Variants in DNAH11 observed in about 807,000 individuals in gnomAD.
DNAH11 encodes the protein axonemal beta dynein heavy chain 11.
Under a neutral mutation model 526.0 loss-of-function variants are expected in DNAH11, and 442 were observed. The observed-to-expected ratio is 0.84, with a 90% CI of 0.78 to 0.91. DNAH11 has a LOEUF of 0.91. Ranked by LOEUF, DNAH11 falls within the 40% of genes least tolerant of loss-of-function variation. The pLI, the probability that DNAH11 is intolerant of heterozygous loss-of-function variation, is 0.00. For synonymous variants in DNAH11, 2,461 were observed against 1,935.9 expected (o/e 1.27, Z -7.12); for missense variants, 6,989 against 5,448.7 (o/e 1.28, Z -8.90).
At chr7:21,859,949 C>T (rs10275701) in intron 68 of DNAH11, among the ~76,000 whole-genome samples, 11 of 151,898 alleles carry the variant, frequency 7.2e-5, no homozygotes, top group Non-Finnish European at 1.5e-4. Flanking sequence ...GGACATTTCT[C>T]CAAAGATGTT....
chr7:21,702,510 A>G (rs553245776), intron 36 of DNAH11, among the ~76,000 whole-genome samples, 200 bp from the exon 37 acceptor site: 2 of 152,180 alleles, frequency 1.3e-5, no homozygotes, highest in South Asian at 2.1e-4. Flanking sequence ...AGAGGCAAAA[A>G]AAAAAAGGTG....
intron 32 of DNAH11, among the ~76,000 whole-genome samples, chr7:21,684,878 A>G (rs1354140203): frequency 1.3e-5 from 2 of 152,234 alleles, no homozygotes; most frequent in Non-Finnish European, 2.9e-5. Flanking sequence ...GAGACAGCAC[A>G]TTTAATCTTT....
chr7:21,617,198 C>T (rs912600353), intron 22 of DNAH11, among the ~76,000 whole-genome samples: 1 of 152,178 alleles, frequency 6.6e-6, no homozygotes, highest in Non-Finnish European at 1.5e-5. Flanking sequence ...TTTCAAGAAA[C>T]AGGCACTCAA....
chr7:21,792,871 CATTT>C (rs1236078270), intron 61 of DNAH11, among the ~76,000 whole-genome samples: 1 of 151,786 alleles, frequency 6.6e-6, no homozygotes, highest in Non-Finnish European at 1.5e-5. Flanking sequence ...TAGTCTCAGT[CATTT>C]ATTTATGCTC....
Position 21,900,128 on chromosome 7 carries a change from AC to A in DNAH11, c.13303+12del, listed in dbSNP as rs773887617. The A allele has an allele frequency of 6.2e-7, 1 of 1,605,504 alleles. No homozygotes were observed. Among genetic ancestry groups the A allele is most frequent in the Admixed American group, 1.7e-5 (1 of 58,964 alleles). On this transcript the variant is annotated intron_variant, in intron 81 of 81. Coordinates refer to ENST00000409508, the MANE Select transcript of DNAH11 (RefSeq NM_001277115.2). ...ACGGACTCTTCATGGAGGGTAAGACACCCCAAGGGGTAAGTGGGGAACCTTT... is the reference window on the plus strand; with the variant it reads ...ACGGACTCTTCATGGAGGGTAAGACACCCAAGGGGTAAGTGGGGAACCTTT...
intron 65 of DNAH11, among the ~76,000 whole-genome samples, chr7:21,830,007 G>A (rs1464347565): frequency 1.3e-5 from 2 of 152,180 alleles, no homozygotes; most frequent in African/African-American, 4.8e-5. Flanking sequence ...GAAGTTAGAC[G>A]TCTTTTTGCC....
intron 15 of DNAH11, 127 bp from the exon 16 acceptor site, chr7:21,600,549 G>A (rs1785039876): frequency 1.8e-6 from 2 of 1,135,266 alleles, no homozygotes; most frequent in Non-Finnish European, 2.4e-6. Flanking sequence ...GTTGGAAAAA[G>A]CAACATGATT....
intron 25 of DNAH11, among the ~76,000 whole-genome samples, chr7:21,628,843 C>T (rs1168587940): frequency 1.3e-5 from 2 of 152,048 alleles, no homozygotes; most frequent in Non-Finnish European, 2.9e-5. Flanking sequence ...TTTATCTTTT[C>T]ACAAAACCAC....
chr7:21,817,797 C>T (rs1789867631), intron 64 of DNAH11, among the ~76,000 whole-genome samples: 1 of 151,626 alleles, frequency 6.6e-6, no homozygotes, highest in Non-Finnish European at 1.5e-5. Flanking sequence ...AATGATAGCT[C>T]ACCATTTTAA....
chr7:21,901,077 G>C lies in DNAH11; in HGVS notation c.13374G>C (p.Pro4458=), dbSNP rs201444942. 3 of 1,613,688 alleles carry C rather than the reference G, an allele frequency of 1.9e-6. No individual in the cohort carries two copies. The African/African-American group carries it at 4.0e-5, about 22-fold the overall frequency. The change falls in exon 82 of 82, where the codon CCG becomes CCC. Residue 4458 remains proline, a synonymous_variant. Coordinates refer to ENST00000409508, the MANE Select transcript of DNAH11 (RefSeq NM_001277115.2). ...ARLKELACPM[P]VIFAKATPVD... is the part of the protein sequence containing the mutation. ...TCAAGGAGCTGGCATGCCCTATGCC[G>C]GTCATCTTTGCAAAAGCCACCCCCG...
At chr7:21,797,930 A>G (rs1006705155) in intron 61 of DNAH11, among the ~76,000 whole-genome samples, 4 of 152,242 alleles carry the variant, frequency 2.6e-5, no homozygotes, top group Non-Finnish European at 5.9e-5. Context: ...GTGCTGTGCC[A>G]TATTTTACAT....
intron 30 of DNAH11, among the ~76,000 whole-genome samples, chr7:21,670,595 C>A (rs914258658): frequency 6.6e-5 from 10 of 152,168 alleles, no homozygotes; most frequent in African/African-American, 1.9e-4. Context: ...AGTGAGACAT[C>A]CTTGTCCATT....
At chr7:21,864,772 T>G (rs1341737120) in intron 70 of DNAH11, 115 bp downstream of exon 70, 2 of 1,020,678 alleles carry the variant, frequency 2.0e-6, no homozygotes, top group Admixed American at 2.8e-5. Flanking sequence ...ACCATTTCAG[T>G]TGTAGAAATG....
At chr7:21,553,138 G>A (rs576101670) in intron 2 of DNAH11, among the ~76,000 whole-genome samples, 2 of 121,856 alleles carry the variant, frequency 1.6e-5, no homozygotes, top group South Asian at 5.2e-4. Context: ...TTGTAAGGGT[G>A]TGATTTTTAA....
Position 21,600,733 on chromosome 7 carries a change from G to C in DNAH11, c.3058G>C (p.Val1020Leu), listed in dbSNP as rs779573927. The C allele has an allele frequency of 6.4e-5, 103 of 1,613,742 alleles. No individual in the cohort carries two copies. Among genetic ancestry groups the C allele is most frequent in the Non-Finnish European group, 7.8e-5 (92 of 1,179,836 alleles). The change falls in exon 16 of 82, where the codon GTG (valine) becomes CTG (leucine). Residue 1020 changes from valine (V) to leucine (L), a missense_variant. Transcript: ENST00000409508. ...AEVRQEIMNR[V>L]VNVINKVLDF... is the part of the protein sequence containing the mutation. ...GGTCAGGCAGGAGATCATGAACAGA[G>C]TGGTGAATGTCATCAACAAAGTCTT...
chr7:21,631,343 A>G (rs1786597762), intron 25 of DNAH11, among the ~76,000 whole-genome samples: 1 of 152,138 alleles, frequency 6.6e-6, no homozygotes, highest in Non-Finnish European at 1.5e-5. Context: ...ATGTCCTCAC[A>G]TTTCAAAACC....
At chr7:21,661,888 C>T (rs1329917990) in intron 30 of DNAH11, among the ~76,000 whole-genome samples, 1 of 152,016 alleles carries the variant, frequency 6.6e-6, no homozygotes, top group Non-Finnish European at 1.5e-5. Flanking sequence ...GGCACAATCT[C>T]AGCTCACTGC....
At chr7:21,778,626 C>G (rs567545924) in intron 56 of DNAH11, among the ~76,000 whole-genome samples, 9 of 152,250 alleles carry the variant, frequency 5.9e-5, no homozygotes, top group African/African-American at 2.2e-4. Context: ...CTTCCTTGAG[C>G]CCGAGCTGCC....
intron 43 of DNAH11, among the ~76,000 whole-genome samples, chr7:21,718,947 AT>A (rs1784774641): frequency 6.6e-6 from 1 of 152,186 alleles, no homozygotes; most frequent in South Asian, 2.1e-4. Context: ...GCAGGTCTGA[AT>A]TTGTTCATTA....
Sources: allele counts gnomAD v4.1 joint callset (sites outside exome capture counted in the v4.1 genomes callset), GRCh38; gene constraint gnomAD v4.1.1; transcripts MANE v1.5; gene names NCBI Gene and HGNC (gene_info 2026-07-23, HGNC 2026-07-21).